The following HCFC2 variants were observed in gnomAD, a reference collection of about 807,000 sequenced individuals.
The protein encoded by HCFC2 is host cell factor 2.
A neutral mutation model predicts 89.2 loss-of-function variants in HCFC2; 18 were observed. That is an observed-to-expected ratio of 0.20 (90% confidence interval 0.14 to 0.30). The LOEUF (loss-of-function observed/expected upper bound fraction) is 0.30. Ranked by LOEUF, HCFC2 falls within the 10% of genes least tolerant of loss-of-function variation. HCFC2 has a pLI of 1.00. For synonymous variants in HCFC2, 308 were observed against 335.7 expected (o/e 0.92, Z 0.90); for missense variants, 578 against 956.1 (o/e 0.60, Z 5.21).
chr12:104,094,564 T>G (rs1346236750), intron 10 of HCFC2, among the ~76,000 whole-genome samples: 1 of 152,172 alleles, frequency 6.6e-6, no homozygotes. Context: ...GAGTATGTGG[T>G]CAGCATTGTT....
intron 12 of HCFC2, 28 bp downstream of exon 12, chr12:104,096,461 T>G: frequency 6.8e-7 from 1 of 1,468,786 alleles, no homozygotes; most frequent in South Asian, 1.2e-5. Context: ...TGATGATGCA[T>G]GTTTACACAT....
At chr12:104,099,162 G>A (rs956996415) in intron 13 of HCFC2, among the ~76,000 whole-genome samples, 1 of 152,080 alleles carries the variant, frequency 6.6e-6, no homozygotes, top group African/African-American at 2.4e-5. Context: ...TACATGGCAT[G>A]AACAGGAGCA....
intron 8 of HCFC2, among the ~76,000 whole-genome samples, chr12:104,087,470 T>TATATATATATATGTATATATATATACAC (rs1883898536): frequency 1.4e-4 from 1 of 7,338 alleles, no homozygotes; most frequent in Non-Finnish European, 3.6e-4. Flanking sequence ...TATATACATA[T>TATATATATATATGTATATATATATACAC]ATATATATAT....
intron 3 of HCFC2, among the ~76,000 whole-genome samples, chr12:104,079,119 T>A (rs1883600974): frequency 6.6e-6 from 1 of 152,188 alleles, no homozygotes; most frequent in South Asian, 2.1e-4. Context: ...AACTTCCTGA[T>A]GGGAAGATTG....
intron 5 of HCFC2, among the ~76,000 whole-genome samples, 200 bp downstream of exon 5, chr12:104,081,030 C>T (rs1369774579): frequency 6.6e-6 from 1 of 152,164 alleles, no homozygotes; most frequent in Non-Finnish European, 1.5e-5. Flanking sequence ...CTCTCTTTTA[C>T]TTCTTTGCAT....
At chr12:104,084,103 G>A (rs80283150) in intron 7 of HCFC2, among the ~76,000 whole-genome samples, 6,013 of 152,282 alleles carry the variant, frequency 0.039, 144 homozygotes, top group Non-Finnish European at 0.057. Flanking sequence ...AATAAATACT[G>A]ATTGACAGCT....
At chr12:104,091,175 C>T (rs1412012442) in intron 9 of HCFC2, among the ~76,000 whole-genome samples, 2 of 152,152 alleles carry the variant, frequency 1.3e-5, no homozygotes, top group Non-Finnish European at 1.5e-5. Context: ...TGAGCGATAC[C>T]GTAGCGTAGT....
chr12:104,094,283 C>T (rs1475073292), intron 10 of HCFC2, among the ~76,000 whole-genome samples: 3 of 152,086 alleles, frequency 2.0e-5, no homozygotes, highest in Non-Finnish European at 4.4e-5. Context: ...ATGTAATCTC[C>T]AAAAGAGCAA....
Position 104,082,908 on chromosome 12 carries a change from A to C in HCFC2, c.1063+7A>C, listed in dbSNP as rs1468048998. On this transcript the variant is annotated splice_region_variant and intron_variant, in intron 7 of 14. Transcript: ENST00000229330. ...CTTTGGTATCTTGATACTGGTAGGTAAGAATATTTAACAAATAAACTTTTT... is the reference window on the plus strand; with the variant it reads ...CTTTGGTATCTTGATACTGGTAGGTCAGAATATTTAACAAATAAACTTTTT... 1.3e-6 allele frequency: 2 copies of C among 1,578,702 alleles called. No homozygotes were observed. Among genetic ancestry groups the C allele is most frequent in the African/African-American group, 2.7e-5 (2 of 72,968 alleles).
chr12:104,096,238 A>G (rs1413309806), intron 11 of HCFC2, 122 bp from the exon 12 acceptor site: 2 of 546,248 alleles, frequency 3.7e-6, no homozygotes, highest in Non-Finnish European at 6.3e-6. Context: ...GTAACATAAA[A>G]TTTGCTGTCT....
At chr12:104,098,644 T>A (rs1455941579) in intron 13 of HCFC2, among the ~76,000 whole-genome samples, 164 bp downstream of exon 13, 1 of 152,194 alleles carries the variant, frequency 6.6e-6, no homozygotes, top group Non-Finnish European at 1.5e-5. Context: ...CCATCCACAA[T>A]CTATATAATT....
intron 5 of HCFC2, among the ~76,000 whole-genome samples, chr12:104,081,725 A>G (rs1242583490): frequency 1.3e-5 from 2 of 151,792 alleles, no homozygotes; most frequent in Admixed American, 6.6e-5. Context: ...TGAAACCCCA[A>G]CATATAAAAT....
intron 10 of HCFC2, among the ~76,000 whole-genome samples, chr12:104,093,949 G>T (rs1236397835): frequency 6.6e-6 from 1 of 152,054 alleles, no homozygotes; most frequent in Non-Finnish European, 1.5e-5. Context: ...GGAGAGGCGA[G>T]AATTCATCAT....
chr12:104,083,526 A>G (rs2136611281), intron 7 of HCFC2, among the ~76,000 whole-genome samples: 1 of 152,368 alleles, frequency 6.6e-6, no homozygotes, highest in African/African-American at 2.4e-5. Flanking sequence ...AAAAAAAGAC[A>G]TTAATTGAAA....
intron 13 of HCFC2, among the ~76,000 whole-genome samples, chr12:104,100,223 T>C (rs1379610191): frequency 1.3e-5 from 2 of 152,134 alleles, no homozygotes; most frequent in African/African-American, 4.8e-5. Flanking sequence ...TATGTATATA[T>C]GTAAATTAGA....
chr12:104,100,438 C>G (rs948523425), intron 13 of HCFC2, among the ~76,000 whole-genome samples: 6 of 151,826 alleles, frequency 4.0e-5, no homozygotes, highest in Non-Finnish European at 7.4e-5. Flanking sequence ...GTTTTCTGGG[C>G]AAGGTACGTG....
chr12:104,095,663 T>G lies in HCFC2; in HGVS notation c.1666+100T>G, dbSNP rs1884156935. 4 of 874,552 alleles carry G rather than the reference T, an allele frequency of 4.6e-6. No homozygotes were observed. The Admixed American group carries it at 1.1e-4, about 24-fold the overall frequency. The allele number at this position is 874,552 out of a possible 1,614,324, so 54.2% of individuals were successfully genotyped here. On this transcript the variant is annotated intron_variant, in intron 11 of 14. Coordinates refer to ENST00000229330, the MANE Select transcript of HCFC2 (RefSeq NM_013320.3). This position sits in a 1 kb window ranked among gnomAD's most constrained non-coding sequence, Gnocchi z 4.2. ...TGGGAGTTGCATTTCATCTTGGAAT[T>G]TTGTTATTAGTCATTTTAACTTAAT...
intron 9 of HCFC2, among the ~76,000 whole-genome samples, chr12:104,090,497 C>CTTT (rs144168216): frequency 6.7e-6 from 1 of 148,158 alleles, no homozygotes. Flanking sequence ...AATTTCTTTT[C>CTTT]TTTTTTTTTT....
intron 3 of HCFC2, among the ~76,000 whole-genome samples, chr12:104,077,149 C>T (rs960581153): frequency 2.6e-5 from 4 of 151,964 alleles, no homozygotes; most frequent in Non-Finnish European, 4.4e-5. Context: ...TTTTCTCCAA[C>T]GTGTACTAAA....
Sources: allele counts gnomAD v4.1 joint callset (sites outside exome capture counted in the v4.1 genomes callset), GRCh38; gene constraint gnomAD v4.1.1; non-coding constraint Gnocchi (gnomAD v3.1); transcripts MANE v1.5; gene names NCBI Gene and HGNC (gene_info 2026-07-23, HGNC 2026-07-21).